The following PTBP2 variants were observed in gnomAD, a reference collection of about 807,000 sequenced individuals.
PTBP2 encodes polypyrimidine tract binding protein 2.
In PTBP2, 13 loss-of-function variants were observed where a neutral mutation model predicts 61.4. The observed-to-expected ratio is 0.21, with a 90% CI of 0.14 to 0.34. PTBP2 has a LOEUF of 0.34. Among genes scored for constraint, PTBP2 ranks in the 10% least tolerant of loss-of-function variants. The pLI, the probability that PTBP2 is intolerant of heterozygous loss-of-function variation, is 1.00. For missense variants in PTBP2, 405 were observed against 642.6 expected (o/e 0.63, Z 4.00); for synonymous variants, 215 against 218.5 (o/e 0.98, Z 0.14).
intron 5 of PTBP2, among the ~76,000 whole-genome samples, chr1:96,776,365 C>CT (rs1557741007): frequency 6.6e-6 from 1 of 151,668 alleles, no homozygotes. Context: ...CTAAAATAAT[C>CT]TATCACATTT....
chr1:96,797,701 C>T (rs1005144291), intron 8 of PTBP2, among the ~76,000 whole-genome samples: 38 of 152,010 alleles, frequency 2.5e-4, no homozygotes, highest in African/African-American at 8.2e-4. Flanking sequence ...CTATACACAA[C>T]CTCTTATGTG....
chr1:96,800,197 G>A (rs532526360), intron 8 of PTBP2, among the ~76,000 whole-genome samples: 5 of 152,168 alleles, frequency 3.3e-5, no homozygotes, highest in African/African-American at 9.6e-5. Flanking sequence ...GAAGTAAATC[G>A]ACAGGTGAGG....
At chr1:96,788,505 T>C (rs767131588) in intron 8 of PTBP2, among the ~76,000 whole-genome samples, 35 of 152,060 alleles carry the variant, frequency 2.3e-4, no homozygotes, top group Non-Finnish European at 3.7e-4. Flanking sequence ...TTTAGAATAA[T>C]AACTGAATCT....
At chr1:96,804,636 C>A in intron 8 of PTBP2, 164 bp from the exon 9 acceptor site, 1 of 587,920 alleles carries the variant, frequency 1.7e-6, no homozygotes, top group Non-Finnish European at 2.8e-6. Flanking sequence ...TACTACACAT[C>A]AGCAAACAAT....
chr1:96,723,950 T>C (rs901751109), intron 2 of PTBP2, among the ~76,000 whole-genome samples: 1 of 152,244 alleles, frequency 6.6e-6, no homozygotes, highest in Non-Finnish European at 1.5e-5. Flanking sequence ...TTTGTTAATC[T>C]AAGTTTTTTG....
intron 11 of PTBP2, 122 bp from the exon 12 acceptor site, chr1:96,812,590 T>A (rs955600299): frequency 2.4e-6 from 2 of 822,124 alleles, no homozygotes; most frequent in African/African-American, 3.5e-5. Flanking sequence ...GTGGCTATGG[T>A]AAATTGGTGA....
chr1:96,775,117 G>GTTTGGATTGAGAGTGT (rs1657887403), intron 5 of PTBP2, among the ~76,000 whole-genome samples: 1 of 152,068 alleles, frequency 6.6e-6, no homozygotes, highest in Non-Finnish European at 1.5e-5. Flanking sequence ...AGTAGATTAG[G>GTTTGGATTGAGAGTGT]TTTGGATTGA....
chr1:96,725,134 A>T (rs1650218336), intron 2 of PTBP2, among the ~76,000 whole-genome samples: 1 of 152,186 alleles, frequency 6.6e-6, no homozygotes, highest in Non-Finnish European at 1.5e-5. Flanking sequence ...GGTTCCATCC[A>T]AACAGATTTC....
intron 8 of PTBP2, among the ~76,000 whole-genome samples, chr1:96,790,860 G>A (rs1182604943): frequency 6.6e-6 from 1 of 152,090 alleles, no homozygotes; most frequent in African/African-American, 2.4e-5. Context: ...AAAGGAAGGG[G>A]GTGGGGTGGA....
chr1:96,732,231 T>C (rs1473569206), intron 2 of PTBP2, among the ~76,000 whole-genome samples: 1 of 152,214 alleles, frequency 6.6e-6, no homozygotes, highest in Admixed American at 6.5e-5. Flanking sequence ...ATGTAACTTT[T>C]TTGGTAATAG....
intron 3 of PTBP2, among the ~76,000 whole-genome samples, chr1:96,768,076 A>G (rs1656942157): frequency 6.6e-6 from 1 of 152,084 alleles, no homozygotes; most frequent in Non-Finnish European, 1.5e-5. Context: ...ACCTTCTCTG[A>G]TCATCCAATA....
At chr1:96,782,562 T>C (rs1239960831) in intron 7 of PTBP2, among the ~76,000 whole-genome samples, 1 of 152,026 alleles carries the variant, frequency 6.6e-6, no homozygotes, top group Non-Finnish European at 1.5e-5. Context: ...CTGCATAATC[T>C]ACCAGGGTGG....
At chr1:96,764,999 A>G (rs753560391) in intron 3 of PTBP2, among the ~76,000 whole-genome samples, 18 of 152,230 alleles carry the variant, frequency 1.2e-4, no homozygotes, top group Admixed American at 2.6e-4. Context: ...GAAACAGCCA[A>G]CAGAATAGCA....
chr1:96,727,682 G>C (rs983087758), intron 2 of PTBP2, among the ~76,000 whole-genome samples: 1 of 152,140 alleles, frequency 6.6e-6, no homozygotes, highest in Admixed American at 6.5e-5. Flanking sequence ...TTTGTCAGCT[G>C]TTATCTTTGG....
At chr1:96,762,385 C>T (rs1172931495) in intron 3 of PTBP2, among the ~76,000 whole-genome samples, 15 of 148,728 alleles carry the variant, frequency 1.0e-4, no homozygotes, top group African/African-American at 2.0e-4. Flanking sequence ...GGCGGCTGGC[C>T]GGGCGGGGGG....
intron 8 of PTBP2, among the ~76,000 whole-genome samples, chr1:96,789,980 A>C (rs1659610152): frequency 1.3e-5 from 2 of 152,126 alleles, no homozygotes; most frequent in Non-Finnish European, 2.9e-5. Flanking sequence ...ATTATTTTGA[A>C]AATGCTTTTA....
At chr1:96,741,004 G>A (rs1327081409) in intron 2 of PTBP2, among the ~76,000 whole-genome samples, 1 of 151,730 alleles carries the variant, frequency 6.6e-6, no homozygotes, top group Admixed American at 6.6e-5. Context: ...TTAACATATT[G>A]CTTTCATAGG....
At chr1:96,725,908 T>C (rs945076577) in intron 2 of PTBP2, among the ~76,000 whole-genome samples, 1 of 151,284 alleles carries the variant, frequency 6.6e-6, no homozygotes, top group African/African-American at 2.4e-5. Context: ...ACCCTGTCTT[T>C]ACTAAAAATA....
chr1:96,739,966 T>A (rs939684716), intron 2 of PTBP2, among the ~76,000 whole-genome samples: 2 of 152,026 alleles, frequency 1.3e-5, no homozygotes, highest in Non-Finnish European at 2.9e-5. Context: ...TCAAAGGAAG[T>A]GCTTAGTGGA....
Sources: allele counts gnomAD v4.1 joint callset (sites outside exome capture counted in the v4.1 genomes callset), GRCh38; gene constraint gnomAD v4.1.1; transcripts MANE v1.5; gene names NCBI Gene and HGNC (gene_info 2026-07-23, HGNC 2026-07-21).